ODF2: variants seen among roughly 807,000 people sequenced by gnomAD.
The protein encoded by ODF2 is outer dense fiber of sperm tails 2.
A neutral mutation model predicts 110.2 loss-of-function variants in ODF2; 47 were observed. The observed-to-expected ratio is 0.43, with a 90% CI of 0.34 to 0.54. The LOEUF (loss-of-function observed/expected upper bound fraction) is 0.54. ODF2 is among the 20% of genes least tolerant of loss of function. ODF2 has a pLI of 0.03. For synonymous variants in ODF2, 352 were observed against 397.7 expected (o/e 0.89, Z 1.37); for missense variants, 812 against 1,054.5 (o/e 0.77, Z 3.19).
At chr9:128,459,129 G>A (rs1835742027) in intron 2 of ODF2, among the ~76,000 whole-genome samples, 1 of 152,204 alleles carries the variant, frequency 6.6e-6, no homozygotes, top group Admixed American at 6.5e-5. Context: ...ACAGGCATGA[G>A]ACATGGCTTG....
chr9:128,468,035 A>AT (rs547240198), intron 4 of ODF2, among the ~76,000 whole-genome samples: 14 of 151,934 alleles, frequency 9.2e-5, no homozygotes, highest in Non-Finnish European at 1.5e-4. Context: ...AAAGTATTGT[A>AT]TTTTTTTAAT....
chr9:128,459,686 CTT>C lies in ODF2; in HGVS notation c.123+31_123+32del, dbSNP rs1564453926. On this transcript the variant is annotated intron_variant, in intron 3 of 20. Transcript: ENST00000604420. The stretch of plus-strand genomic sequence containing the variant: ...GGTGATGCACTCACGTAGCAGCCCT[CTT>C]TGGTCACCTTGCTAAAAATGCTTTT... 11 of 1,549,180 alleles carry C rather than the reference CTT, an allele frequency of 7.1e-6. No individual in the cohort carries two copies. The South Asian group carries it at 1.1e-4, about 16-fold the overall frequency.
Position 128,466,789 on chromosome 9 carries a change from A to G in ODF2, c.250-2394A>G, listed in dbSNP as rs1378953768. Among the ~76,000 whole-genome samples the G allele has an allele frequency of 1.1e-4, 16 of 148,882 alleles. 1 individual carries two copies. The highest frequency in any genetic ancestry group is 8.1e-4 in the Admixed American group (12 of 14,828). On this transcript the variant is annotated intron_variant, in intron 4 of 20. Coordinates refer to ENST00000604420, the Ensembl canonical transcript of ODF2. ...TCAGGAGATCGAGACCATCCTGGCT[A>G]ACACAGTGAAACTCCGTCTCTACTA...
intron 2 of ODF2, among the ~76,000 whole-genome samples, 200 bp from the exon 2 acceptor site, chr9:128,459,367 C>T (rs925248307): frequency 1.3e-5 from 2 of 152,292 alleles, no homozygotes; most frequent in African/African-American, 4.8e-5. Context: ...CCTGCAAATG[C>T]CTGTCACCCT....
chr9:128,482,786 G>T (rs374820340), intron 9 of ODF2, 30 bp from the exon 10 acceptor site: 165 of 1,600,710 alleles, frequency 1.0e-4, no homozygotes, highest in Non-Finnish European at 1.4e-4. Flanking sequence ...CCCTTCCCAG[G>T]GGCACCTGAC....
chr9:128,487,455 G>A (rs1276752240), intron 13 of ODF2, among the ~76,000 whole-genome samples: 2 of 152,040 alleles, frequency 1.3e-5, no homozygotes, highest in African/African-American at 2.4e-5. Flanking sequence ...TGATGAGAAC[G>A]CTGGGTCCCA....
At chr9:128,466,149 C>A (rs999520966) in intron 4 of ODF2, among the ~76,000 whole-genome samples, 4 of 147,862 alleles carry the variant, frequency 2.7e-5, no homozygotes, top group African/African-American at 5.0e-5. Context: ...AAAAAAAAAA[C>A]AAAAAAAACG....
intron 4 of ODF2, among the ~76,000 whole-genome samples, chr9:128,463,132 T>C (rs996534943): frequency 6.6e-6 from 1 of 151,630 alleles, no homozygotes; most frequent in Non-Finnish European, 1.5e-5. Context: ...TGTGGTGGCA[T>C]GCGCTTGTAA....
At chr9:128,459,808 A>G in intron 3 of ODF2, 151 bp downstream of exon 2, 1 of 616,196 alleles carries the variant, frequency 1.6e-6, no homozygotes, top group East Asian at 2.8e-5. Flanking sequence ...CTGATTTTTA[A>G]TTATGATCAT....
At position 128,472,871 on chromosome 9, in the gene ODF2, G is replaced by A. The variant is rs753154993; in HGVS notation, c.582-42G>A. ...GCAAGCCTTGGATCTCTGGGCATGC[G>A]GGGGCCTGGGAGGGCTCACAGAGCC... is the stretch of plus-strand genomic sequence containing the variant. On this transcript the variant is annotated intron_variant, in intron 6 of 20. Transcript: ENST00000604420. 7.5e-5 allele frequency: 120 copies of A among 1,610,490 alleles called. 1 individual carries two copies. In the South Asian group the frequency reaches 1.0e-3, roughly 14 times the overall value.
chr9:128,483,041 G>A (rs1208720883), intron 10 of ODF2, among the ~76,000 whole-genome samples, 154 bp downstream of exon 10: 7 of 151,992 alleles, frequency 4.6e-5, no homozygotes, highest in Non-Finnish European at 7.4e-5. Flanking sequence ...GACTACAGGC[G>A]TGCGCCACCA....
chr9:128,471,887 AG>A (rs2131760273), intron 6 of ODF2, among the ~76,000 whole-genome samples: 1 of 152,266 alleles, frequency 6.6e-6, no homozygotes, highest in Non-Finnish European at 1.5e-5. Context: ...GCAGAGGATA[AG>A]GGGGCCACAT....
rs747037960 is a variant in ODF2, at chr9:128,499,129, G to C, written c.2301+3G>C. 3.7e-6 allele frequency: 6 copies of C among 1,614,034 alleles called. No individual in the cohort carries two copies. The Admixed American group carries it at 8.3e-5, about 22-fold the overall frequency. On this transcript the variant is annotated splice_donor_region_variant and intron_variant, in intron 20 of 20. Coordinates refer to ENST00000604420, the Ensembl canonical transcript of ODF2. ...AGCTGCGGCGGAGCCGTGATGATGT[G>C]AGTCAGGCTGGTGGGCCGGGCTAGG...
intron 14 of ODF2, among the ~76,000 whole-genome samples, chr9:128,491,760 C>T (rs1483075104): frequency 6.6e-6 from 1 of 152,000 alleles, no homozygotes; most frequent in East Asian, 1.9e-4. Flanking sequence ...ATAGTATAGT[C>T]TCATTCTTTT....
chr9:128,473,987 C>T (rs970560717), intron 8 of ODF2, among the ~76,000 whole-genome samples: 2 of 152,092 alleles, frequency 1.3e-5, no homozygotes, highest in Non-Finnish European at 2.9e-5. Context: ...GTGGGGGAGT[C>T]AGGGAGGGGT....
intron 4 of ODF2, among the ~76,000 whole-genome samples, chr9:128,466,713 C>A (rs1838014697): frequency 6.7e-6 from 1 of 149,490 alleles, no homozygotes; most frequent in East Asian, 2.0e-4. Context: ...CGTGGTGGCT[C>A]ACGCCTGTAA....
At position 128,499,146 on chromosome 9, in the gene ODF2, C is replaced by T. The variant is rs374648497; in HGVS notation, c.2301+20C>T. The T allele has an allele frequency of 1.4e-5, 23 of 1,613,684 alleles. No individual in the cohort carries two copies. The highest frequency in any genetic ancestry group is 1.9e-5 in the Non-Finnish European group (22 of 1,179,856). On this transcript the variant is annotated intron_variant, in intron 20 of 20. Transcript: ENST00000604420. ...GATGATGTGAGTCAGGCTGGTGGGC[C>T]GGGCTAGGAGAGTGGGCAGCAGACC...
At chr9:128,472,860 T>C (rs1203991725) in intron 6 of ODF2, 53 bp from the exon 7 acceptor site, 4 of 1,609,996 alleles carry the variant, frequency 2.5e-6, no homozygotes, top group Non-Finnish European at 3.4e-6. Flanking sequence ...GCCTTGGATC[T>C]CTGGGCATGC....
At chr9:128,460,665 A>G (rs1836204459) in intron 3 of ODF2, 2 of 1,614,090 alleles carry the variant, frequency 1.2e-6, no homozygotes, top group Non-Finnish European at 1.7e-6. Flanking sequence ...ACCAGCAGCC[A>G]GGTAGGAGCA....
Sources: gnomAD v4.1 joint callset for allele counts (sites outside exome capture counted in the v4.1 genomes callset) on GRCh38, gnomAD v4.1.1 for gene constraint, MANE v1.5 for transcripts, NCBI Gene and HGNC (gene_info 2026-07-23, HGNC 2026-07-21) for gene names.